IARS1: variants seen among roughly 807,000 people sequenced by gnomAD.
IARS1 encodes isoleucyl-tRNA synthetase 1, also known as isoleucine--tRNA ligase, cytoplasmic.
IARS1 carries 124 observed loss-of-function variants against 168.2 expected under a neutral mutation model. The observed-to-expected ratio is 0.74, with a 90% CI of 0.64 to 0.86. The LOEUF is 0.86. Among genes scored for constraint, IARS1 ranks in the 40% least tolerant of loss-of-function variants. The pLI is 0.00. For synonymous variants in IARS1, 532 were observed against 529.4 expected (o/e 1.00, Z -0.07); for missense variants, 1,452 against 1,515.8 (o/e 0.96, Z 0.70).
At chr9:92,289,072 T>G (rs1835901661) in intron 2 of IARS1, among the ~76,000 whole-genome samples, 1 of 151,950 alleles carries the variant, frequency 6.6e-6, no homozygotes, top group Non-Finnish European at 1.5e-5. Flanking sequence ...GCTGGTGTGA[T>G]GGCGGGCACC....
intron 1 of IARS1, among the ~76,000 whole-genome samples, chr9:92,290,777 C>T (rs1836193924): frequency 6.6e-6 from 1 of 151,838 alleles, no homozygotes; most frequent in African/African-American, 2.4e-5. Context: ...TCTAGTGGTG[C>T]AAAAAACTCA....
chr9:92,232,049 C>T (rs1002150661), intron 30 of IARS1, among the ~76,000 whole-genome samples: 4 of 152,072 alleles, frequency 2.6e-5, no homozygotes, highest in African/African-American at 4.8e-5. Context: ...TCACGTTTTT[C>T]GAGTGCAGCA....
In IARS1 at chr9:92,242,267, G is replaced by T. The variant is rs1828540841; in HGVS notation, c.3064C>A (p.Leu1022Met). The T allele has an allele frequency of 1.2e-6, 2 of 1,613,798 alleles. No individual in the cohort carries two copies. Among genetic ancestry groups the T allele is most frequent in the Admixed American group, 1.7e-5 (1 of 60,018 alleles). The change falls in exon 29 of 34, where the codon CTG (leucine) becomes ATG (methionine). Residue 1022 changes from leucine (L) to methionine (M), a missense_variant. Physicochemically the swap from Leu to Met is conservative, Grantham distance 15. Coordinates refer to ENST00000443024, the MANE Select transcript of IARS1 (RefSeq NM_002161.6). Reference sequence around the variant, plus strand: ...GTGTGGCTTTCAATAACACTATTCAGATATGTTCCTTCAGACTTTGCTTTA... The same window carrying T: ...GTGTGGCTTTCAATAACACTATTCATATATGTTCCTTCAGACTTTGCTTTA... Reference protein sequence around the residue: ...YYKAKSEGTYLNSVIESHTEF... With the variant: ...YYKAKSEGTYMNSVIESHTEF...
intron 21 of IARS1, chr9:92,252,429 A>AT (rs1830135333): frequency 2.0e-6 from 1 of 511,074 alleles, no homozygotes; most frequent in African/African-American, 1.9e-5. Context: ...CTGCACAAAA[A>AT]TGAAATTACA....
intron 4 of IARS1, 168 bp downstream of exon 4, chr9:92,287,623 A>G (rs1177430591): frequency 1.6e-6 from 1 of 610,730 alleles, no homozygotes; most frequent in East Asian, 3.3e-5. Context: ...CAGAAGAGAG[A>G]TGGTTCAGTT....
Position 92,253,464 on chromosome 9 carries a change from G to A in IARS1, c.2138-11C>T, listed in dbSNP as rs376466713. 8.1e-6 allele frequency: 13 copies of A among 1,597,120 alleles called. No homozygotes were observed. The highest frequency in any genetic ancestry group is 1.1e-5 in the Non-Finnish European group (13 of 1,165,088). On this transcript the variant is annotated splice_polypyrimidine_tract_variant and intron_variant, in intron 20 of 33. Coordinates refer to ENST00000443024, the MANE Select transcript of IARS1 (RefSeq NM_002161.6). ...TATAAAGCCTATAAGCTAAAAGTAAGACAAGTCAATCAGGCAGCAAGTGGG... is the reference window on the plus strand; with the variant it reads ...TATAAAGCCTATAAGCTAAAAGTAAAACAAGTCAATCAGGCAGCAAGTGGG...
At chr9:92,272,592 G>A (rs755372387) in intron 10 of IARS1, among the ~76,000 whole-genome samples, 12 of 152,226 alleles carry the variant, frequency 7.9e-5, no homozygotes, top group Non-Finnish European at 1.2e-4. Context: ...GCTCACGCCT[G>A]TAACCCCAGC....
intron 18 of IARS1, 74 bp from the exon 19 acceptor site, chr9:92,259,072 G>C: frequency 7.7e-7 from 1 of 1,305,004 alleles, no homozygotes; most frequent in South Asian, 1.6e-5. Flanking sequence ...GACATATTGA[G>C]AGAGCAAGAT....
At chr9:92,264,795 G>C (rs1254785823) in intron 16 of IARS1, 134 bp downstream of exon 16, 5 of 736,618 alleles carry the variant, frequency 6.8e-6, no homozygotes, top group Non-Finnish European at 1.1e-5. Context: ...GGAGGGGAGA[G>C]GGCAGGAATG....
At chr9:92,249,998 A>C in intron 24 of IARS1, 57 bp from the exon 25 acceptor site, 1 of 1,021,472 alleles carries the variant, frequency 9.8e-7, no homozygotes, top group East Asian at 2.4e-5. Context: ...AAAACTGCAG[A>C]AAAATGGAAT....
chr9:92,269,784 T>A, intron 13 of IARS1, 101 bp downstream of exon 13: 2 of 741,536 alleles, frequency 2.7e-6, no homozygotes, highest in Non-Finnish European at 4.8e-6. Flanking sequence ...CAATACCCAA[T>A]AAAAGATGGG....
chr9:92,234,787 T>C (rs1226536933), intron 30 of IARS1, among the ~76,000 whole-genome samples: 3 of 151,518 alleles, frequency 2.0e-5, no homozygotes, highest in Admixed American at 2.0e-4. Flanking sequence ...TGGGAGCAGC[T>C]GGCATGGGAA....
chr9:92,243,445 T>C lies in IARS1; in HGVS notation c.2905-134A>G, dbSNP rs1828740600. On this transcript the variant is annotated intron_variant, in intron 27 of 33. Transcript: ENST00000443024. ...TTTTCACACAAATGAGCAAAAGCAA[T>C]AAAATTAATCTAGTTTATCATTCAG... The C allele has an allele frequency of 1.2e-5, 7 of 591,428 alleles. No individual in the cohort carries two copies. The East Asian group carries it at 2.1e-4, about 18-fold the overall frequency. The allele number at this position is 591,428 out of a possible 1,614,324, so 36.6% of individuals were successfully genotyped here.
intron 31 of IARS1, among the ~76,000 whole-genome samples, chr9:92,223,729 T>A (rs1392638800): frequency 6.6e-6 from 1 of 152,202 alleles, no homozygotes; most frequent in East Asian, 1.9e-4. Flanking sequence ...TAGGGCTAAT[T>A]GTTTTCTCTA....
In IARS1 at chr9:92,223,524, C is replaced by T. The variant is rs116656176; in HGVS notation, c.3410-35G>A. 4.1e-4 allele frequency: 653 copies of T among 1,574,156 alleles called. 4 individuals are homozygous for T. The African/African-American group carries it at 7.5e-3, about 18-fold the overall frequency. Reference sequence around the variant, plus strand: ...ACAACAACAATTCTTTCAGGGTTAACGAACAAATTCAAAACTGAAGTCATT... The same window carrying T: ...ACAACAACAATTCTTTCAGGGTTAATGAACAAATTCAAAACTGAAGTCATT... On this transcript the variant is annotated intron_variant, in intron 31 of 33. Transcript: ENST00000443024.
chr9:92,229,657 G>C (rs1486552530), intron 30 of IARS1, among the ~76,000 whole-genome samples: 1 of 152,084 alleles, frequency 6.6e-6, no homozygotes, highest in Non-Finnish European at 1.5e-5. Flanking sequence ...TGAACATTTT[G>C]AGTTAATTGT....
intron 26 of IARS1, among the ~76,000 whole-genome samples, chr9:92,245,316 C>CT (rs1364298508): frequency 6.6e-6 from 1 of 152,120 alleles, no homozygotes; most frequent in Non-Finnish European, 1.5e-5. Context: ...TATATAAACT[C>CT]TCAGGTCCAA....
chr9:92,233,797 T>C (rs1827075315), intron 30 of IARS1, among the ~76,000 whole-genome samples: 2 of 152,242 alleles, frequency 1.3e-5, no homozygotes, highest in African/African-American at 2.4e-5. Context: ...GGTCTCACTG[T>C]GTGGCCCAGG....
At chr9:92,217,150 G>A (rs1838851986) in intron 33 of IARS1, among the ~76,000 whole-genome samples, 1 of 151,718 alleles carries the variant, frequency 6.6e-6, no homozygotes, top group Non-Finnish European at 1.5e-5. Context: ...CATGGAAACT[G>A]AACAACCTGC....
Sources: gnomAD v4.1 joint callset for allele counts (sites outside exome capture counted in the v4.1 genomes callset) on GRCh38, gnomAD v4.1.1 for gene constraint, MANE v1.5 for transcripts, NCBI Gene and HGNC (gene_info 2026-07-23, HGNC 2026-07-21) for gene names.